The following ACKR2 variants were observed in gnomAD, a reference collection of about 807,000 sequenced individuals.
ACKR2 encodes the protein C-C chemokine receptor D6.
For synonymous variants in ACKR2, 207 were observed against 192.2 expected (o/e 1.08, Z -0.64); for missense variants, 457 against 477.3 (o/e 0.96, Z 0.40).
intron 2 of ACKR2, among the ~76,000 whole-genome samples, chr3:42,844,647 C>T (rs1701073998): frequency 1.3e-5 from 2 of 152,196 alleles, no homozygotes; most frequent in Admixed American, 6.5e-5. Context: ...GCTACAGGAG[C>T]TCTGCCAGGG....
In ACKR2 at chr3:42,861,155, A is replaced by C. The variant is rs2088380918; in HGVS notation, c.-37-3311A>C. Among the ~76,000 whole-genome samples, 3 of 152,194 alleles carry C rather than the reference A, an allele frequency of 2.0e-5. No individual in the cohort carries two copies. In the South Asian group the frequency reaches 6.2e-4, roughly 32 times the overall value. ...AAGAAAGGAGACACGAATCAAATAG[A>C]CACAATAAAAAATGATAAAGAGGAT... On this transcript the variant is annotated intron_variant, in intron 2 of 2. Coordinates refer to ENST00000422265, the MANE Select transcript of ACKR2 (RefSeq NM_001296.5).
intron 2 of ACKR2, among the ~76,000 whole-genome samples, chr3:42,860,250 A>C (rs1047149551): frequency 1.3e-5 from 2 of 151,612 alleles, no homozygotes; most frequent in African/African-American, 4.8e-5. Context: ...GATCAAAAAG[A>C]CAAAAAAGGG....
At chr3:42,821,315 C>T (rs1013531617) in intron 2 of ACKR2, among the ~76,000 whole-genome samples, 14 of 152,290 alleles carry the variant, frequency 9.2e-5, no homozygotes, top group South Asian at 2.1e-4. Flanking sequence ...TCCTTACATA[C>T]GTGTTCCACT....
chr3:42,839,252 C>G (rs1701013653), intron 2 of ACKR2: 1 of 151,906 alleles, frequency 6.6e-6, no homozygotes, highest in Non-Finnish European at 1.5e-5. Context: ...TGAGTGTGGG[C>G]CCTGCTGTCC....
chr3:42,851,756 T>G (rs1701162485), intron 2 of ACKR2, among the ~76,000 whole-genome samples: 1 of 152,154 alleles, frequency 6.6e-6, no homozygotes, highest in Non-Finnish European at 1.5e-5. Context: ...AGGCATTCCT[T>G]TCCATCTCTG....
At chr3:42,832,056 C>T (rs558849516) in intron 2 of ACKR2, among the ~76,000 whole-genome samples, 1 of 152,238 alleles carries the variant, frequency 6.6e-6, no homozygotes, top group East Asian at 1.9e-4. Context: ...TGAAATGAAA[C>T]ACAAAACTTT....
intron 2 of ACKR2, among the ~76,000 whole-genome samples, chr3:42,828,092 A>ATATATATAT (rs1193533555): frequency 3.7e-3 from 445 of 121,854 alleles, no homozygotes; most frequent in Non-Finnish European, 5.1e-3. Context: ...ATATATATAT[A>ATATATATAT]TTTTTTTTTT....
chr3:42,860,926 G>A (rs143485943), intron 2 of ACKR2, among the ~76,000 whole-genome samples: 2,311 of 152,146 alleles, frequency 0.015, 20 homozygotes, highest in Non-Finnish European at 0.025. Flanking sequence ...ATTTAAAATC[G>A]ACAGCCTAAC....
At chr3:42,821,509 C>T (rs539578867) in intron 2 of ACKR2, among the ~76,000 whole-genome samples, 1 of 152,222 alleles carries the variant, frequency 6.6e-6, no homozygotes, top group East Asian at 1.9e-4. Flanking sequence ...TTATTACCCC[C>T]ATTTTATACA....
chr3:42,818,195 C>T (rs1193836589), intron 1 of ACKR2, among the ~76,000 whole-genome samples: 1 of 152,208 alleles, frequency 6.6e-6, no homozygotes, highest in Non-Finnish European at 1.5e-5. Flanking sequence ...CCATCTCTCT[C>T]CTCCCCTCTT....
At chr3:42,809,634 C>G (rs552954966) in intron 1 of ACKR2, 102 bp downstream of exon 1, 1 of 152,072 alleles carries the variant, frequency 6.6e-6, no homozygotes, top group East Asian at 1.9e-4. Context: ...GAGGCCAAGG[C>G]GGGTGGATCA....
At chr3:42,811,964 TCTC>T (rs1410764810) in intron 1 of ACKR2, among the ~76,000 whole-genome samples, 4 of 152,230 alleles carry the variant, frequency 2.6e-5, no homozygotes, top group Admixed American at 2.6e-4. Context: ...ATCACCCTGT[TCTC>T]CTGCCGCATT....
chr3:42,818,946 C>T (rs1391564686), intron 1 of ACKR2, among the ~76,000 whole-genome samples: 1 of 152,036 alleles, frequency 6.6e-6, no homozygotes, highest in Non-Finnish European at 1.5e-5. Context: ...CTTTGCAGCT[C>T]CTCAAATTCC....
chr3:42,859,652 A>G (rs1245390366), intron 2 of ACKR2, among the ~76,000 whole-genome samples: 2 of 152,148 alleles, frequency 1.3e-5, no homozygotes, highest in Non-Finnish European at 2.9e-5. Flanking sequence ...AAGTGCTGGG[A>G]TCACAGACGT....
chr3:42,823,630 C>T (rs981230761), intron 2 of ACKR2, among the ~76,000 whole-genome samples: 6 of 152,314 alleles, frequency 3.9e-5, no homozygotes, highest in South Asian at 2.1e-4. Context: ...CTAAGCCATG[C>T]AATCAACTTC....
intron 1 of ACKR2, among the ~76,000 whole-genome samples, chr3:42,817,817 C>T (rs895033550): frequency 2.0e-5 from 3 of 152,152 alleles, no homozygotes; most frequent in Non-Finnish European, 4.4e-5. Flanking sequence ...GTTTCTCAGC[C>T]CATATCTTAC....
intron 2 of ACKR2, among the ~76,000 whole-genome samples, chr3:42,854,540 C>T (rs1458324157): frequency 3.9e-5 from 6 of 152,174 alleles, no homozygotes; most frequent in African/African-American, 1.4e-4. Flanking sequence ...GCCATCCAAT[C>T]CCCGGCCCCC....
chr3:42,854,286 T>A (rs1701195432), intron 2 of ACKR2, among the ~76,000 whole-genome samples: 1 of 152,184 alleles, frequency 6.6e-6, no homozygotes, highest in South Asian at 2.1e-4. Flanking sequence ...ATATTCCCAG[T>A]TTCAGGTTAC....
chr3:42,833,242 C>T (rs963766826), intron 2 of ACKR2, among the ~76,000 whole-genome samples: 9 of 152,064 alleles, frequency 5.9e-5, no homozygotes, highest in African/African-American at 2.2e-4. Context: ...AACATTAAAG[C>T]CCTAAAGAGA....
Sources: allele counts gnomAD v4.1 joint callset (sites outside exome capture counted in the v4.1 genomes callset), GRCh38; gene constraint gnomAD v4.1.1; transcripts MANE v1.5; gene names NCBI Gene and HGNC (gene_info 2026-07-23, HGNC 2026-07-21).